HEATR4: variants seen among roughly 807,000 people sequenced by gnomAD.
HEATR4 encodes HEAT repeat containing 4.
Under a neutral mutation model 108.8 loss-of-function variants are expected in HEATR4, and 95 were observed. The observed-to-expected ratio is 0.87, with a 90% CI of 0.74 to 1.04. HEATR4 has a LOEUF of 1.04. Ranked by LOEUF, HEATR4 falls within the 50% of genes least tolerant of loss-of-function variation. The pLI, the probability that HEATR4 is intolerant of heterozygous loss-of-function variation, is 0.00. For synonymous variants in HEATR4, 443 were observed against 459.4 expected, an observed-to-expected ratio of 0.96 and a Z score of 0.46; for missense variants, 1,152 against 1,253.8, an observed-to-expected ratio of 0.92 and a Z score of 1.23.
the HEATR4 span, among the ~76,000 whole-genome samples, chr14:73,620,929 G>A: frequency 6.6e-6 from 1 of 151,774 alleles, no homozygotes; most frequent in Middle Eastern, 3.2e-3. Flanking sequence ...CCTGGGCCGG[G>A]CACGGTGGCT....
At chr14:73,600,644 T>A in the HEATR4 span, among the ~76,000 whole-genome samples, 5 of 151,208 alleles carry the variant, frequency 3.3e-5, no homozygotes, top group Non-Finnish European at 7.4e-5. Flanking sequence ...AGAGACAGGG[T>A]TTCACCATGT....
chr14:73,590,431 AC>A, the HEATR4 span, among the ~76,000 whole-genome samples: 3 of 152,234 alleles, frequency 2.0e-5, no homozygotes, highest in Admixed American at 2.0e-4. Context: ...TGGATGCCGC[AC>A]GGGGTTCGCA....
At chr14:73,590,025 G>A in the HEATR4 span, among the ~76,000 whole-genome samples, 11 of 152,114 alleles carry the variant, frequency 7.2e-5, no homozygotes, top group East Asian at 1.9e-4. Context: ...ACAGCAGTGC[G>A]GGCCCAAAAA....
At chr14:73,506,131 C>A (rs551634620) in intron 10 of HEATR4, among the ~76,000 whole-genome samples, 18 of 152,080 alleles carry the variant, frequency 1.2e-4, no homozygotes, top group African/African-American at 4.3e-4. Context: ...CCTCGTGATC[C>A]GCCTGCCTTG....
intron 17 of HEATR4, among the ~76,000 whole-genome samples, chr14:73,484,049 G>A (rs1165481256): frequency 6.6e-6 from 1 of 151,888 alleles, no homozygotes; most frequent in Non-Finnish European, 1.5e-5. Flanking sequence ...TAGAGACGGG[G>A]TTTTACCATG....
chr14:73,569,525 G>T, the HEATR4 span: 1 of 1,607,902 alleles, frequency 6.2e-7, no homozygotes, highest in East Asian at 2.2e-5. Context: ...AGCCGGTCAC[G>T]CTGCGCGCGT....
At chr14:73,612,489 C>T in the HEATR4 span, 1 of 963,696 alleles carries the variant, frequency 1.0e-6, no homozygotes, top group Non-Finnish European at 1.4e-6. Flanking sequence ...CCGCCCTCGA[C>T]TACTTTCCAG....
At chr14:73,617,077 GT>G in the HEATR4 span, 95 of 1,486,686 alleles carry the variant, frequency 6.4e-5, no homozygotes, top group Admixed American at 8.4e-5. Flanking sequence ...GCCGGACATG[GT>G]TTTGCTGTGC....
intron 6 of HEATR4, among the ~76,000 whole-genome samples, chr14:73,513,497 G>A (rs548732202): frequency 2.0e-5 from 3 of 151,308 alleles, no homozygotes; most frequent in East Asian, 1.9e-4. Context: ...TGGCCAAGGC[G>A]GGCAGATCAC....
At chr14:73,597,292 G>C in the HEATR4 span, among the ~76,000 whole-genome samples, 1 of 151,430 alleles carries the variant, frequency 6.6e-6, no homozygotes, top group East Asian at 2.0e-4. Flanking sequence ...CGCCATGTTA[G>C]CCAGGATGGT....
the HEATR4 span, among the ~76,000 whole-genome samples, chr14:73,602,314 T>C: frequency 1.3e-5 from 2 of 152,182 alleles, no homozygotes; most frequent in African/African-American, 4.8e-5. Context: ...CTGGAGGCTA[T>C]ATGATTTATC....
chr14:73,587,287 A>AT, the HEATR4 span, among the ~76,000 whole-genome samples: 3 of 151,828 alleles, frequency 2.0e-5, no homozygotes, highest in Non-Finnish European at 4.4e-5. Flanking sequence ...TTGTTTGGAG[A>AT]TTTATCAAAA....
chr14:73,631,454 G>GA, the HEATR4 span: 1 of 140,118 alleles, frequency 7.1e-6, no homozygotes, highest in African/African-American at 2.5e-5. Flanking sequence ...CCAGCTATTT[G>GA]AAAAAATGTA....
At chr14:73,485,268 T>TTATAGACA (rs1885408285) in intron 17 of HEATR4, among the ~76,000 whole-genome samples, 1 of 149,566 alleles carries the variant, frequency 6.7e-6, no homozygotes, top group South Asian at 2.1e-4. Context: ...TATAATTTGA[T>TTATAGACA]TTTTTAACAC....
intron 17 of HEATR4, among the ~76,000 whole-genome samples, chr14:73,479,464 G>A (rs2140237761): frequency 8.2e-6 from 1 of 122,122 alleles, no homozygotes; most frequent in South Asian, 2.8e-4. Context: ...TTGAGACGGA[G>A]TTTCGCTCTT....
At chr14:73,592,494 G>A in the HEATR4 span, 1 of 1,412,470 alleles carries the variant, frequency 7.1e-7, no homozygotes, top group Middle Eastern at 2.6e-4. Context: ...ATTTAGCACT[G>A]GTTTGGTTTT....
chr14:73,629,514 C>T, the HEATR4 span, among the ~76,000 whole-genome samples: 1 of 152,154 alleles, frequency 6.6e-6, no homozygotes, highest in Admixed American at 6.5e-5. Flanking sequence ...CCTTCACTGA[C>T]CACTTGGCTC....
At chr14:73,603,971 A>T in the HEATR4 span, among the ~76,000 whole-genome samples, 4 of 152,022 alleles carry the variant, frequency 2.6e-5, no homozygotes, top group Non-Finnish European at 4.4e-5. Flanking sequence ...TGACCTCATG[A>T]TGTGCCTGCC....
intron 17 of HEATR4, among the ~76,000 whole-genome samples, chr14:73,486,069 A>T (rs1000646065): frequency 6.6e-6 from 1 of 152,136 alleles, no homozygotes; most frequent in East Asian, 1.9e-4. Flanking sequence ...TGGGTCAAAG[A>T]TATCAAAATT....
Sources: allele counts gnomAD v4.1 joint callset (sites outside exome capture counted in the v4.1 genomes callset), GRCh38; gene constraint gnomAD v4.1.1; transcripts MANE v1.5; gene names NCBI Gene and HGNC (gene_info 2026-07-23, HGNC 2026-07-21).